DYNC2H1: variants seen among roughly 807,000 people sequenced by gnomAD.
The protein encoded by DYNC2H1 is cytoplasmic dynein 2 heavy chain 1.
Under a neutral mutation model 570.0 loss-of-function variants are expected in DYNC2H1, and 410 were observed. That is an observed-to-expected ratio of 0.72 (90% CI 0.66 to 0.78). The LOEUF (loss-of-function observed/expected upper bound fraction) is 0.78, where lower values mean the gene tolerates loss of function less well. Among genes scored for constraint, DYNC2H1 ranks in the 30% least tolerant of loss-of-function variants. DYNC2H1 has a pLI of 0.00. For missense variants in DYNC2H1, 4,865 were observed against 5,046.4 expected, an observed-to-expected ratio of 0.96 and a Z score of 1.09; for synonymous variants, 1,688 against 1,677.6, an observed-to-expected ratio of 1.01 and a Z score of -0.15.
chr11:103,156,268 T>A, intron 25 of DYNC2H1, 120 bp from the exon 26 acceptor site: 1 of 1,042,016 alleles, frequency 9.6e-7, no homozygotes, highest in Non-Finnish European at 1.4e-6. Context: ...TTAACTTTTT[T>A]TTTTTTGCCT....
intron 80 of DYNC2H1, among the ~76,000 whole-genome samples, chr11:103,317,690 T>C (rs1358636588): frequency 6.6e-6 from 1 of 150,818 alleles, no homozygotes; most frequent in Non-Finnish European, 1.5e-5. Context: ...TCTGAAATGC[T>C]TTCCTCCCAA....
chr11:103,364,326 ATTT>A (rs34285412), intron 83 of DYNC2H1, among the ~76,000 whole-genome samples: 1 of 148,006 alleles, frequency 6.8e-6, no homozygotes, highest in Admixed American at 6.7e-5. Flanking sequence ...CCTTTTGATG[ATTT>A]TTTTTTTTTT....
chr11:103,362,024 TGAG>T (rs1245090856), intron 83 of DYNC2H1, among the ~76,000 whole-genome samples: 1 of 151,362 alleles, frequency 6.6e-6, no homozygotes, highest in Non-Finnish European at 1.5e-5. Flanking sequence ...AGATAGGAGA[TGAG>T]GAGCTGGAGT....
Position 103,205,713 on chromosome 11 carries a change from A to G in DYNC2H1, c.8454+749A>G, listed in dbSNP as rs991508596. 5.3e-5 allele frequency among the ~76,000 whole-genome samples: 8 copies of G among 152,138 alleles called. No homozygotes were observed. Among genetic ancestry groups the G allele is most frequent in the Non-Finnish European group, 1.2e-4 (8 of 68,020 alleles). Reference sequence around the variant, plus strand: ...AAACCAGAGAGAAATCCCTGCCCTCATGGTGTTTACATTCTTCTCAGGTAT... The same window carrying G: ...AAACCAGAGAGAAATCCCTGCCCTCGTGGTGTTTACATTCTTCTCAGGTAT... On this transcript the variant is annotated intron_variant, in intron 52 of 88. Transcript: ENST00000375735. This position sits in a 1 kb window ranked among gnomAD's most constrained non-coding sequence, Gnocchi z 4.5.
chr11:103,283,242 C>T (rs1244377025), intron 73 of DYNC2H1, among the ~76,000 whole-genome samples, 157 bp downstream of exon 73: 3 of 152,104 alleles, frequency 2.0e-5, no homozygotes, highest in Non-Finnish European at 2.9e-5. Context: ...TGTAATTAGT[C>T]CTTTAACCAG....
chr11:103,146,876 T>G (rs1378639924), intron 18 of DYNC2H1, among the ~76,000 whole-genome samples: 3 of 152,200 alleles, frequency 2.0e-5, no homozygotes, highest in African/African-American at 7.2e-5. Context: ...AGTGCTAGGA[T>G]TACAGGCCAC....
chr11:103,137,189 T>C (rs1316443754), intron 17 of DYNC2H1, among the ~76,000 whole-genome samples: 1 of 148,934 alleles, frequency 6.7e-6, no homozygotes, highest in Non-Finnish European at 1.5e-5. Context: ...CTGTTCACTC[T>C]GATGGTAGTT....
At position 103,325,177 on chromosome 11, in the gene DYNC2H1, T is replaced by C. The variant is rs893180697; in HGVS notation, c.12039+1187T>C. On this transcript the variant is annotated intron_variant, in intron 82 of 88. Coordinates refer to ENST00000375735, the MANE Select transcript of DYNC2H1 (RefSeq NM_001377.3). The surrounding 1 kb of genome is among the most constrained non-coding windows in gnomAD (Gnocchi z 4.8). The stretch of plus-strand genomic sequence containing the variant: ...TTCTGTAGGTTGTCTGTTTACTCTG[T>C]TGATAGTCTCTTTTGCTCTGCAGAA... Among the ~76,000 whole-genome samples the C allele has an allele frequency of 6.6e-6, 1 of 152,216 alleles. No individual in the cohort carries two copies. The highest frequency in any genetic ancestry group is 1.5e-5 in the Non-Finnish European group (1 of 68,038).
intron 34 of DYNC2H1, 47 bp downstream of exon 34, chr11:103,171,115 C>A: frequency 7.0e-7 from 1 of 1,435,506 alleles, no homozygotes; most frequent in Non-Finnish European, 9.4e-7. Context: ...TTTTGTAAGA[C>A]TTGATATTAC....
intron 83 of DYNC2H1, among the ~76,000 whole-genome samples, chr11:103,378,288 T>C (rs1941482961): frequency 6.6e-6 from 1 of 152,224 alleles, no homozygotes. Flanking sequence ...GAAGTCACTT[T>C]GCTCTTTCAT....
At chr11:103,476,233 T>G (rs555162598) in intron 88 of DYNC2H1, among the ~76,000 whole-genome samples, 1 of 152,306 alleles carries the variant, frequency 6.6e-6, no homozygotes, top group African/African-American at 2.4e-5. Flanking sequence ...AAAATTCTCT[T>G]TATCCCAAAT....
chr11:103,189,341 T>C lies in DYNC2H1; in HGVS notation c.7293-331T>C, dbSNP rs1430576134. ...ATAGTTCTGAGGTGGATTACTGCCCTGTGTACAGACCTTATGTAACTCAAA... is the reference window on the plus strand; with the variant it reads ...ATAGTTCTGAGGTGGATTACTGCCCCGTGTACAGACCTTATGTAACTCAAA... On this transcript the variant is annotated intron_variant, in intron 44 of 88. Transcript: ENST00000375735. This position sits in a 1 kb window ranked among gnomAD's most constrained non-coding sequence, Gnocchi z 4.3. 6.6e-6 allele frequency among the ~76,000 whole-genome samples: 1 copy of C among 152,172 alleles called. No individual in the cohort carries two copies. Among genetic ancestry groups the C allele is most frequent in the Admixed American group, 6.6e-5 (1 of 15,252 alleles).
chr11:103,328,125 G>A lies in DYNC2H1; in HGVS notation c.12039+4135G>A, dbSNP rs865989624. Reference sequence around the variant, plus strand: ...AATATGATCTAATTTCTACTAGTTTGTCTTGCCTTAGTATTCCAATTTTTA... The same window carrying A: ...AATATGATCTAATTTCTACTAGTTTATCTTGCCTTAGTATTCCAATTTTTA... On this transcript the variant is annotated intron_variant, in intron 82 of 88. Coordinates refer to ENST00000375735, the MANE Select transcript of DYNC2H1 (RefSeq NM_001377.3). Among the ~76,000 whole-genome samples the A allele has an allele frequency of 5.9e-5, 9 of 152,236 alleles. No homozygotes were observed. In the Middle Eastern group the frequency reaches 0.017, roughly 290 times the overall value.
chr11:103,370,407 A>G (rs891561589), intron 83 of DYNC2H1, among the ~76,000 whole-genome samples: 5 of 152,188 alleles, frequency 3.3e-5, no homozygotes, highest in African/African-American at 1.2e-4. Context: ...CACCAACCTG[A>G]AGGGAAGGAC....
chr11:103,282,189 C>T lies in DYNC2H1; in HGVS notation c.10772C>T (p.Thr3591Met), dbSNP rs370617490. The change falls in exon 72 of 89, where the codon ACG becomes ATG. Residue 3591 changes from threonine to methionine, a missense_variant. Thr to Met is a moderately conservative substitution (Grantham distance 81). Transcript: ENST00000375735. ...ATTTTTATTCAATAGGAATGGGATA[C>T]GTTTACAGGTGTGGTTGTTGGAGAC... Reference protein sequence around the residue: ...PELFQENEWDTFTGVVVGDML... With the variant: ...PELFQENEWDMFTGVVVGDML... 121 of 1,606,560 alleles carry T rather than the reference C, an allele frequency of 7.5e-5. No individual in the cohort carries two copies. Among genetic ancestry groups the T allele is most frequent in the Non-Finnish European group, 8.9e-5 (105 of 1,176,766 alleles).
At chr11:103,131,929 TC>T in intron 13 of DYNC2H1, among the ~76,000 whole-genome samples, 1 of 152,334 alleles carries the variant, frequency 6.6e-6, no homozygotes, top group East Asian at 1.9e-4. Context: ...TTTAACTTTA[TC>T]CTATTTGGGG....
chr11:103,407,480 T>G (rs1035329495), intron 84 of DYNC2H1: 5 of 151,918 alleles, frequency 3.3e-5, no homozygotes, highest in Non-Finnish European at 7.4e-5. Context: ...GAATAGGCAT[T>G]GAGACATATG....
chr11:103,224,156 C>A (rs930790711), intron 59 of DYNC2H1, among the ~76,000 whole-genome samples: 11 of 152,070 alleles, frequency 7.2e-5, no homozygotes, highest in Non-Finnish European at 1.3e-4. Flanking sequence ...TAACCACTTA[C>A]TATTAGAGCT....
chr11:103,465,335 C>T lies in DYNC2H1; in HGVS notation c.12649-3254C>T, dbSNP rs1223287949. On this transcript the variant is annotated intron_variant, in intron 87 of 88. Coordinates refer to ENST00000375735, the MANE Select transcript of DYNC2H1 (RefSeq NM_001377.3). This position sits in a 1 kb window ranked among gnomAD's most constrained non-coding sequence, Gnocchi z 4.9. Reference sequence around the variant, plus strand: ...AGTGGAAAAATACAAGAAAGAAGAACTTAATGGTGAAAATGTCCTGTTTAC... The same window carrying T: ...AGTGGAAAAATACAAGAAAGAAGAATTTAATGGTGAAAATGTCCTGTTTAC... 6.6e-6 allele frequency among the ~76,000 whole-genome samples: 1 copy of T among 152,060 alleles called. No individual in the cohort carries two copies. Among genetic ancestry groups the T allele is most frequent in the African/African-American group, 2.4e-5 (1 of 41,424 alleles).
Sources: allele counts gnomAD v4.1 joint callset (sites outside exome capture counted in the v4.1 genomes callset), GRCh38; gene constraint gnomAD v4.1.1; non-coding constraint Gnocchi (gnomAD v3.1); transcripts MANE v1.5; gene names NCBI Gene and HGNC (gene_info 2026-07-23, HGNC 2026-07-21).